Variants in CCR6 observed in about 807,000 individuals in gnomAD.
CCR6 encodes C-C motif chemokine receptor 6.
Under a neutral mutation model 3.0 loss-of-function variants are expected in CCR6, and 2 were observed. The ratio of observed to expected loss-of-function variants is 0.66; its 90% CI spans 0.27 to 2.07. The LOEUF is 2.07. Ranked by LOEUF, CCR6 falls within the 30% of genes most tolerant of loss-of-function variation. The probability of loss-of-function intolerance (pLI) is 0.14; values close to 1 mark genes in which losing one functional copy is unlikely to be tolerated. For synonymous variants in CCR6, 193 were observed against 184.3 expected, an observed-to-expected ratio of 1.05 and a Z score of -0.38; for missense variants, 322 against 462.8, an observed-to-expected ratio of 0.70 and a Z score of 2.79.
rs1781878121 is a variant in CCR6 at position 167,138,147 on chromosome 6, T to G, written c.*792T>G. ...AGCTGAGAGTGCTATGAAGACAGGA[T>G]CTAGAATAATCTTGCTCACAGCTGT... On this transcript the variant is annotated 3_prime_UTR_variant, in exon 3 of 3. Coordinates refer to ENST00000341935, the MANE Select transcript of CCR6 (RefSeq NM_031409.4). 1 of 152,330 alleles carries G rather than the reference T, an allele frequency of 6.6e-6. No homozygotes were observed. The highest frequency in any genetic ancestry group is 2.1e-4 in the South Asian group (1 of 4,828). 9.4% of individuals were successfully genotyped at this position (152,330 alleles called of 1,614,324 possible).
upstream of CCR6, among the ~76,000 whole-genome samples, chr6:167,120,413 C>T (rs540137176): frequency 6.6e-5 from 10 of 152,176 alleles, no homozygotes; most frequent in Non-Finnish European, 1.5e-4. Context: ...AGATGACTGA[C>T]ACCCAGATGA....
chr6:167,131,395 C>T (rs1389260677), intron 1 of CCR6: 1 of 152,246 alleles, frequency 6.6e-6, no homozygotes, highest in Non-Finnish European at 1.5e-5. Flanking sequence ...GCCGGGCCGT[C>T]CCTCCCTTTT....
chr6:167,113,690 T>A (rs929516633), intron 1 of CCR6, among the ~76,000 whole-genome samples: 13 of 152,230 alleles, frequency 8.5e-5, no homozygotes, highest in Non-Finnish European at 8.8e-5. Flanking sequence ...AAGTTTTAAA[T>A]GTTTAAAATG....
At chr6:167,117,272 C>G (rs995647157) in intron 1 of CCR6, among the ~76,000 whole-genome samples, 5 of 151,892 alleles carry the variant, frequency 3.3e-5, no homozygotes, top group Admixed American at 3.3e-4. Context: ...ATCCTGCCTA[C>G]CACAGCTGCA....
At chr6:167,121,139 C>T (rs1341745696), upstream of CCR6, among the ~76,000 whole-genome samples, 1 of 152,208 alleles carries the variant, frequency 6.6e-6, no homozygotes, top group Non-Finnish European at 1.5e-5. Context: ...TCTTGGAGAC[C>T]TCCAGATCCC....
chr6:167,128,849 C>T (rs1444775789), intron 1 of CCR6, among the ~76,000 whole-genome samples: 1 of 152,212 alleles, frequency 6.6e-6, no homozygotes, highest in African/African-American at 2.4e-5. Flanking sequence ...GCTGGGATTA[C>T]AGGTGTGAGC....
Position 167,138,894 on chromosome 6 carries a change from A to T in CCR6, c.*1539A>T, listed in dbSNP as rs1428257604. The T allele has an allele frequency of 7.7e-6, 1 of 130,474 alleles. No homozygotes were observed. The highest frequency in any genetic ancestry group is 1.1e-4 in the Admixed American group (1 of 9,458). 8.1% of individuals were successfully genotyped at this position (130,474 alleles called of 1,614,324 possible). A position where few individuals can be genotyped will look rare whatever the true frequency, so the allele number is the denominator to read the frequency against. ...CAGTGAGCCGAGATCGTGCCATTGCACTCCAGCCTGGGTGACAAAGCGAGA... is the reference window on the plus strand; with the variant it reads ...CAGTGAGCCGAGATCGTGCCATTGCTCTCCAGCCTGGGTGACAAAGCGAGA... On this transcript the variant is annotated 3_prime_UTR_variant, in exon 3 of 3. Transcript: ENST00000341935.
Sources: allele counts gnomAD v4.1 joint callset (sites outside exome capture counted in the v4.1 genomes callset), GRCh38; gene constraint gnomAD v4.1.1; transcripts MANE v1.5; gene names NCBI Gene and HGNC (gene_info 2026-07-23, HGNC 2026-07-21).